Variants in NCOA7 observed in about 807,000 individuals in gnomAD.
The protein encoded by NCOA7 is nuclear receptor coactivator 7, also known as 140 kDa estrogen receptor-associated protein.
In NCOA7, 45 loss-of-function variants were observed where a neutral mutation model predicts 104.3. That is an observed-to-expected ratio of 0.43 (90% confidence interval 0.34 to 0.55). The LOEUF (loss-of-function observed/expected upper bound fraction) is 0.55, where lower values mean the gene tolerates loss of function less well. NCOA7 is among the 20% of genes least tolerant of loss of function. The pLI is 0.02. For synonymous variants in NCOA7, 398 were observed against 402.3 expected, an observed-to-expected ratio of 0.99 and a Z score of 0.13; for missense variants, 1,041 against 1,119.7, an observed-to-expected ratio of 0.93 and a Z score of 1.00.
intron 1 of NCOA7, among the ~76,000 whole-genome samples, chr6:125,800,920 G>C (rs922006393): frequency 1.1e-4 from 16 of 152,238 alleles, no homozygotes; most frequent in Non-Finnish European, 1.5e-5. Flanking sequence ...CCAGCTACTG[G>C]GGAGTGTGAG....
chr6:125,873,724 A>G (rs921022151), intron 3 of NCOA7, among the ~76,000 whole-genome samples: 2 of 152,204 alleles, frequency 1.3e-5, no homozygotes, highest in South Asian at 4.1e-4. Context: ...GAATGACTGA[A>G]CAGTTTACAT....
In NCOA7 at chr6:125,920,978, C is replaced by A. The variant is rs765498462; in HGVS notation, c.2280C>A (p.Ser760Arg). ...TTGAAGAGGCAAAGCGCAGGAAGAGCACATGCAGCTACTATGAAGACGAGG... is the reference window on the plus strand; with the variant it reads ...TTGAAGAGGCAAAGCGCAGGAAGAGAACATGCAGCTACTATGAAGACGAGG... The part of the protein sequence containing the change: ...ITVEEAKRRK[S>R]TCSYYEDEDE... Residue 760 changes from serine (S) to arginine (R), a missense_variant, in exon 12 of 16, where the codon AGC becomes AGA. Physicochemically the swap from Ser to Arg is moderately radical, Grantham distance 110 (BLOSUM62 -1). Around this residue, in one of 2 missense-constraint regions of NCOA7, gnomAD observed 914 missense variants for 942.7 expected, o/e 0.97. Transcript: ENST00000392477. 6 of 1,613,720 alleles carry A rather than the reference C, an allele frequency of 3.7e-6. No homozygotes were observed. Among genetic ancestry groups the A allele is most frequent in the Non-Finnish European group, 1.7e-6 (2 of 1,179,738 alleles).
chr6:125,835,203 A>T (rs140311762), intron 2 of NCOA7, among the ~76,000 whole-genome samples: 1 of 152,210 alleles, frequency 6.6e-6, no homozygotes, highest in Non-Finnish European at 1.5e-5. Flanking sequence ...ACAGCTATCC[A>T]TGTTATTTTC....
At chr6:125,792,046 A>G (rs1562757173) in intron 1 of NCOA7, among the ~76,000 whole-genome samples, 1 of 152,196 alleles carries the variant, frequency 6.6e-6, no homozygotes, top group African/African-American at 2.4e-5. Flanking sequence ...TATAAGCTCA[A>G]ATAGGACAGA....
chr6:125,921,183 G>A, intron 12 of NCOA7, 115 bp downstream of exon 12: 1 of 1,359,922 alleles, frequency 7.4e-7, no homozygotes, highest in Non-Finnish European at 9.8e-7. Flanking sequence ...GCCAAGGCAG[G>A]CGGATCACTT....
At chr6:125,812,608 A>G (rs1243131338) in intron 1 of NCOA7, among the ~76,000 whole-genome samples, 2 of 152,150 alleles carry the variant, frequency 1.3e-5, no homozygotes, top group African/African-American at 4.8e-5. Flanking sequence ...ATATGCTGAT[A>G]ATTTCTAATT....
chr6:125,835,507 T>C (rs926688226), intron 2 of NCOA7, among the ~76,000 whole-genome samples: 3 of 152,268 alleles, frequency 2.0e-5, no homozygotes, highest in African/African-American at 7.2e-5. Flanking sequence ...AGTTTGTCTG[T>C]ATCTAAATCC....
chr6:125,911,903 T>A (rs951140857), intron 10 of NCOA7, among the ~76,000 whole-genome samples: 1 of 152,066 alleles, frequency 6.6e-6, no homozygotes, highest in Non-Finnish European at 1.5e-5. Context: ...AAGCATACCC[T>A]CTCCCCCACG....
chr6:125,887,883 A>G (rs941986), intron 8 of NCOA7, among the ~76,000 whole-genome samples: 36,663 of 151,960 alleles, frequency 0.24, 5,004 homozygotes, highest in African/African-American at 0.39. Flanking sequence ...TTCCAGTCAT[A>G]TTTTTTTCTT....
intron 1 of NCOA7, among the ~76,000 whole-genome samples, chr6:125,801,897 T>C (rs767696169): frequency 2.6e-5 from 4 of 152,188 alleles, no homozygotes; most frequent in African/African-American, 4.8e-5. Context: ...CTTCAACATA[T>C]CTTTTTTGGA....
At position 125,827,115 on chromosome 6, in the gene NCOA7, A is replaced by T. The variant is rs1173129256; in HGVS notation, c.50+11711A>T. On this transcript the variant is annotated intron_variant, in intron 2 of 15. Coordinates refer to ENST00000392477, the MANE Select transcript of NCOA7 (RefSeq NM_181782.5). The stretch of plus-strand genomic sequence containing the variant: ...GGCAGGAGAATTGTGTGAACCCCGG[A>T]GGCAGAGGTTGTGGTGAGCTGAGAC... 3.5e-5 allele frequency among the ~76,000 whole-genome samples: 5 copies of T among 142,380 alleles called. No individual in the cohort carries two copies. The Admixed American group carries it at 3.7e-4, about 11-fold the overall frequency. 93.4% of individuals were successfully genotyped at this position (142,380 alleles called of 152,430 possible).
chr6:125,826,303 C>T (rs1387222043), intron 2 of NCOA7, among the ~76,000 whole-genome samples: 1 of 151,066 alleles, frequency 6.6e-6, no homozygotes, highest in Admixed American at 6.6e-5. Context: ...TGCACGCCAG[C>T]CTGGGTGACA....
At chr6:125,803,358 T>C (rs1050181576) in intron 1 of NCOA7, among the ~76,000 whole-genome samples, 3 of 152,204 alleles carry the variant, frequency 2.0e-5, no homozygotes, top group Non-Finnish European at 2.9e-5. Context: ...TTGTCAAAAA[T>C]TGAAGTTTCT....
chr6:125,836,376 A>G (rs888144107), intron 2 of NCOA7, among the ~76,000 whole-genome samples: 4 of 152,190 alleles, frequency 2.6e-5, no homozygotes, highest in Non-Finnish European at 4.4e-5. Flanking sequence ...TTTGATGTAG[A>G]TGATTAAAGA....
chr6:125,890,574 A>C (rs1583472454), intron 9 of NCOA7, 68 bp from the exon 10 acceptor site: 1 of 1,444,116 alleles, frequency 6.9e-7, no homozygotes, highest in East Asian at 2.4e-5. Flanking sequence ...TATTTTTTTT[A>C]AGTTGAAAAA....
chr6:125,893,388 G>T (rs577547224), intron 10 of NCOA7, among the ~76,000 whole-genome samples: 1 of 152,136 alleles, frequency 6.6e-6, no homozygotes, highest in African/African-American at 2.4e-5. Context: ...ATTAAATTTC[G>T]ATGGTGAACT....
chr6:125,915,980 C>T (rs1009324972), intron 11 of NCOA7, among the ~76,000 whole-genome samples: 3 of 152,124 alleles, frequency 2.0e-5, no homozygotes, highest in African/African-American at 7.2e-5. Flanking sequence ...GCTTAAGTGC[C>T]ATACAAAAAC....
At position 125,855,920 on chromosome 6, in the gene NCOA7, G is replaced by C. The variant is rs567545304; in HGVS notation, c.271+680G>C. 3.3e-5 allele frequency among the ~76,000 whole-genome samples: 5 copies of C among 152,132 alleles called. No individual in the cohort carries two copies. The East Asian group carries it at 9.7e-4, about 29-fold the overall frequency. ...GGCTGGTCTTGAATTCCTGACCTCA[G>C]ACACTTGAGAATCTTAAAGGGAATC... On this transcript the variant is annotated intron_variant, in intron 3 of 15. Transcript: ENST00000392477.
intron 2 of NCOA7, among the ~76,000 whole-genome samples, chr6:125,838,712 A>G (rs991572108): frequency 5.9e-5 from 9 of 152,176 alleles, no homozygotes; most frequent in African/African-American, 2.2e-4. Context: ...CTCTGTTGTA[A>G]GTCCCAGGTC....
Sources: gnomAD v4.1 joint callset for allele counts (sites outside exome capture counted in the v4.1 genomes callset) on GRCh38, gnomAD v4.1.1 for gene constraint, gnomAD v4.1.1 regional missense constraint, MANE v1.5 for transcripts, NCBI Gene and HGNC (gene_info 2026-07-23, HGNC 2026-07-21) for gene names.